ZNF146: variants seen among roughly 807,000 people sequenced by gnomAD.
ZNF146 encodes zinc finger protein OZF.
Under a neutral mutation model 22.2 loss-of-function variants are expected in ZNF146, and 9 were observed. The observed-to-expected ratio is 0.41, with a 90% CI of 0.24 to 0.71. The LOEUF (loss-of-function observed/expected upper bound fraction) is 0.71, where lower values mean the gene tolerates loss of function less well. ZNF146 is among the 30% of genes least tolerant of loss of function. The pLI is 0.34. For missense variants in ZNF146, 194 were observed against 344.8 expected, an observed-to-expected ratio of 0.56 and a Z score of 3.46; for synonymous variants, 108 against 119.2, an observed-to-expected ratio of 0.91 and a Z score of 0.61.
At chr19:36,220,310 TAAATGGTATAGTA>T (rs60244849) in intron 2 of ZNF146, among the ~76,000 whole-genome samples, 16,664 of 148,272 alleles carry the variant, frequency 0.11, 1,932 homozygotes, top group Non-Finnish European at 0.16. Flanking sequence ...TAATTCACTT[TAAATGGTATAGTA>T]TTTTTACCTA....
At chr19:36,223,262 CA>C (rs1426557244) in intron 2 of ZNF146, among the ~76,000 whole-genome samples, 1 of 149,348 alleles carries the variant, frequency 6.7e-6, no homozygotes, top group Non-Finnish European at 1.5e-5. Flanking sequence ...ACTAAAAATA[CA>C]AAAAATTTAG....
chr19:36,232,889 A>G (rs1436081519), intron 3 of ZNF146, among the ~76,000 whole-genome samples: 1 of 152,030 alleles, frequency 6.6e-6, no homozygotes, highest in African/African-American at 2.4e-5. Context: ...CAGCCATTCA[A>G]TTATTTTTTC....
rs1351673253 is a variant in ZNF146, at chr19:36,235,770, G to A, written c.-671G>A. 1 of 152,130 alleles carries A rather than the reference G, an allele frequency of 6.6e-6. No individual in the cohort carries two copies. Among genetic ancestry groups the A allele is most frequent in the Non-Finnish European group, 1.5e-5 (1 of 68,030 alleles). The allele number at this position is 152,130 out of a possible 1,614,324, so 9.4% of individuals were successfully genotyped here. A position where few individuals can be genotyped will look rare whatever the true frequency, so the allele number is the denominator to read the frequency against. ...AGGAAAGACTGAGAAAAAGAGCGTTGAATATAAGAAAAAATACTTCCTCTG... is the reference window on the plus strand; with the variant it reads ...AGGAAAGACTGAGAAAAAGAGCGTTAAATATAAGAAAAAATACTTCCTCTG... On this transcript the variant is annotated 5_prime_UTR_variant, in exon 4 of 4. Coordinates refer to ENST00000443387, the MANE Select transcript of ZNF146 (RefSeq NM_007145.3).
At chr19:36,229,371 T>C (rs1008115497) in intron 3 of ZNF146, among the ~76,000 whole-genome samples, 2 of 152,174 alleles carry the variant, frequency 1.3e-5, no homozygotes, top group African/African-American at 2.4e-5. Flanking sequence ...TTTTTCCCTC[T>C]GCTACTTTTA....
At chr19:36,217,099 CTT>C (rs1285653832) in intron 1 of ZNF146, among the ~76,000 whole-genome samples, 1 of 118,310 alleles carries the variant, frequency 8.5e-6, no homozygotes, top group Non-Finnish European at 1.6e-5. Flanking sequence ...GTCTCTCTCT[CTT>C]GCCCAGTCTA....
intron 2 of ZNF146, among the ~76,000 whole-genome samples, chr19:36,221,262 T>C (rs1371344362): frequency 1.3e-5 from 2 of 151,992 alleles, no homozygotes; most frequent in East Asian, 1.9e-4. Context: ...GGTTCATTTG[T>C]TGTTTTCAGG....
chr19:36,234,763 C>T (rs1351727694), intron 3 of ZNF146, among the ~76,000 whole-genome samples: 3 of 152,174 alleles, frequency 2.0e-5, no homozygotes, highest in African/African-American at 7.2e-5. Context: ...TGGGTTTAAT[C>T]TCTGATTTCC....
chr19:36,226,171 A>C (rs1977058029), intron 2 of ZNF146, among the ~76,000 whole-genome samples: 1 of 152,156 alleles, frequency 6.6e-6, no homozygotes, highest in Non-Finnish European at 1.5e-5. Context: ...TGATCTGTAT[A>C]TCCAACTGCC....
intron 3 of ZNF146, among the ~76,000 whole-genome samples, chr19:36,229,792 TC>T (rs1224086025): frequency 6.6e-6 from 1 of 152,250 alleles, no homozygotes; most frequent in Non-Finnish European, 1.5e-5. Flanking sequence ...CAGTCTTGGC[TC>T]ACTGCAACCT....
rs748615907 is a variant in ZNF146 at position 36,236,457 on chromosome 19, A to T, written c.17A>T (p.Gln6Leu). The change falls in exon 4 of 4, where the codon CAG becomes CTG. Residue 6 changes from glutamine (Q) to leucine (L), a missense_variant. Physicochemically the swap from Gln to Leu is moderately radical, Grantham distance 113. Around this residue, in one of 2 missense-constraint regions of ZNF146, gnomAD observed 47 missense variants for 44.7 expected, o/e 1.05. Transcript: ENST00000443387. ...TCCATTCAGATGTCACACCTCAGCC[A>T]GCAGAGAATTTACAGTGGGGAAAAC... MSHLS[Q>L]QRIYSGENPF... 1 of 1,604,912 alleles carries T rather than the reference A, an allele frequency of 6.2e-7. No individual in the cohort carries two copies. Among genetic ancestry groups the T allele is most frequent in the African/African-American group, 1.3e-5 (1 of 74,518 alleles).
intron 1 of ZNF146, among the ~76,000 whole-genome samples, chr19:36,216,961 A>C (rs996144207): frequency 2.7e-5 from 4 of 146,318 alleles, no homozygotes; most frequent in Non-Finnish European, 6.0e-5. Flanking sequence ...TGGGAGGCTG[A>C]GGTGGGAGGA....
At chr19:36,226,548 TTCTC>T (rs1170999507) in intron 2 of ZNF146, among the ~76,000 whole-genome samples, 2 of 152,236 alleles carry the variant, frequency 1.3e-5, no homozygotes, top group Admixed American at 6.5e-5. Flanking sequence ...TTATTTTTCC[TTCTC>T]TCTTTCTCCA....
chr19:36,232,954 T>C (rs1330633710), intron 3 of ZNF146, among the ~76,000 whole-genome samples: 2 of 152,226 alleles, frequency 1.3e-5, no homozygotes, highest in Non-Finnish European at 2.9e-5. Flanking sequence ...AAGAATCTCT[T>C]ATGTACCCCC....
chr19:36,216,483 A>G (rs1347885278), intron 1 of ZNF146, among the ~76,000 whole-genome samples: 2 of 152,052 alleles, frequency 1.3e-5, no homozygotes, highest in Non-Finnish European at 2.9e-5. Flanking sequence ...TCTACTAAAA[A>G]AAAATAAAAT....
At chr19:36,215,760 C>G (rs1976576239) in intron 1 of ZNF146, among the ~76,000 whole-genome samples, 1 of 151,952 alleles carries the variant, frequency 6.6e-6, no homozygotes, top group Non-Finnish European at 1.5e-5. Context: ...TTAAATAGGG[C>G]TGTTAAGCAA....
intron 2 of ZNF146, among the ~76,000 whole-genome samples, chr19:36,223,282 TGTG>T (rs1490316301): frequency 2.7e-5 from 4 of 150,898 alleles, no homozygotes; most frequent in Admixed American, 6.6e-5. Flanking sequence ...AGCCAGTCAT[TGTG>T]GTGCACGAGA....
intron 3 of ZNF146, among the ~76,000 whole-genome samples, chr19:36,235,354 A>G (rs1977607886): frequency 6.6e-6 from 1 of 152,042 alleles, no homozygotes; most frequent in South Asian, 2.1e-4. Context: ...TGGAAAGGTT[A>G]TTTTTCAAGA....
chr19:36,238,517 T>C lies in ZNF146; in HGVS notation c.*1198T>C, dbSNP rs1977729723. ...TAAGAAGATACTGATTGATTCTGGATTGTGGTATAGGGATATCTTGTCTTA... is the reference window on the plus strand; with the variant it reads ...TAAGAAGATACTGATTGATTCTGGACTGTGGTATAGGGATATCTTGTCTTA... On this transcript the variant is annotated 3_prime_UTR_variant, in exon 4 of 4. Coordinates refer to ENST00000443387, the MANE Select transcript of ZNF146 (RefSeq NM_007145.3). The C allele has an allele frequency of 6.0e-6, 1 of 167,060 alleles. No homozygotes were observed. The highest frequency in any genetic ancestry group is 2.1e-4 in the South Asian group (1 of 4,830). 10.3% of individuals were successfully genotyped at this position (167,060 alleles called of 1,614,324 possible).
At chr19:36,218,441 A>G (rs2145395128) in intron 2 of ZNF146, among the ~76,000 whole-genome samples, 1 of 152,210 alleles carries the variant, frequency 6.6e-6, no homozygotes, top group Non-Finnish European at 1.5e-5. Context: ...CTGAAAGAAT[A>G]AGATATGTAG....
Sources: gnomAD v4.1 joint callset for allele counts (sites outside exome capture counted in the v4.1 genomes callset) on GRCh38, gnomAD v4.1.1 for gene constraint, gnomAD v4.1.1 regional missense constraint, MANE v1.5 for transcripts, NCBI Gene and HGNC (gene_info 2026-07-23, HGNC 2026-07-21) for gene names.